Variants in SEMA4G observed in about 807,000 individuals in gnomAD.
SEMA4G encodes the protein semaphorin 4G, also known as semaphorin-4G.
SEMA4G carries 59 observed loss-of-function variants against 81.2 expected under a neutral mutation model. The observed-to-expected ratio is 0.73, with a 90% CI of 0.59 to 0.90. The LOEUF is 0.90. SEMA4G is among the 40% of genes least tolerant of loss of function. SEMA4G has a pLI of 0.00. For synonymous variants in SEMA4G, 404 were observed against 433.9 expected (o/e 0.93, Z 0.86); for missense variants, 952 against 1,102.3 (o/e 0.86, Z 1.93).
At chr10:100,983,566 G>A (rs144879682) in exon 14 of SEMA4G, 6 of 1,613,666 alleles carry the variant, frequency 3.7e-6, no homozygotes, top group South Asian at 2.2e-5. Context: ...CTCACAGTCC[G>A]GCCAGCCACT....
Position 100,973,433 on chromosome 10 carries a change from C to T in SEMA4G, c.274-114C>T, listed in dbSNP as rs1474189595. On this transcript the variant is annotated intron_variant, in intron 2 of 13. Coordinates refer to ENST00000370250, the Ensembl canonical transcript of SEMA4G. The surrounding 1 kb of genome is among the most constrained non-coding windows in gnomAD (Gnocchi z 5.5). ...GGTGTTCCTTGCATTCAGTGTTCCTCCTGAAATTGATCCCCACCCCAATTT... is the reference window on the plus strand; with the variant it reads ...GGTGTTCCTTGCATTCAGTGTTCCTTCTGAAATTGATCCCCACCCCAATTT... The T allele has an allele frequency of 1.4e-6, 2 of 1,399,458 alleles. No homozygotes were observed. The highest frequency in any genetic ancestry group is 3.8e-5 in the Admixed American group (2 of 52,400). 86.7% of individuals were successfully genotyped at this position (1,399,458 alleles called of 1,614,324 possible). A position where few individuals can be genotyped will look rare whatever the true frequency, so the allele number is the denominator to read the frequency against.
At chr10:100,972,964 G>A (rs765633702) in exon 1 of SEMA4G, 32 of 1,613,628 alleles carry the variant, frequency 2.0e-5, no homozygotes, top group Non-Finnish European at 2.5e-5. Context: ...AGCAACTGCA[G>A]TCCCAGGACC....
exon 7 of SEMA4G, chr10:100,978,916 G>C (rs1037811860): frequency 6.2e-7 from 1 of 1,614,224 alleles, no homozygotes; most frequent in Non-Finnish European, 8.5e-7. Context: ...ATGATGACAA[G>C]GTGTACTACT....
upstream of SEMA4G, among the ~76,000 whole-genome samples, chr10:100,972,217 A>T (rs1380406578): frequency 2.0e-5 from 3 of 152,170 alleles, no homozygotes; most frequent in Non-Finnish European, 4.4e-5. Flanking sequence ...TGGGAGAAGC[A>T]GGCATTCTCT....
chr10:100,977,951 C>A lies in SEMA4G; in HGVS notation c.435+221C>A, dbSNP rs187759303. The A allele has an allele frequency of 5.2e-6, 3 of 580,856 alleles. No individual in the cohort carries two copies. The South Asian group carries it at 6.1e-5, about 12-fold the overall frequency. 36.0% of individuals were successfully genotyped at this position (580,856 alleles called of 1,614,324 possible). On this transcript the variant is annotated intron_variant, in intron 4 of 13. Transcript: ENST00000370250. ...TAGCATTTTCACTTAGCATCCTCCC[C>A]CTAATCACCTCCACCTGGCAAACTT...
chr10:100,984,916 C>T (rs1409881469), downstream of SEMA4G: 7 of 1,449,784 alleles, frequency 4.8e-6, no homozygotes, highest in Admixed American at 1.3e-4. Context: ...CAGGCATGTC[C>T]CATCCCCATG....
intron 13 of SEMA4G, chr10:100,981,449 G>T: frequency 6.2e-7 from 1 of 1,614,184 alleles, no homozygotes; most frequent in Non-Finnish European, 8.5e-7. Context: ...GAAGTGTCTT[G>T]TCACTTCTGG....
chr10:100,985,425 T>C (rs1053207362), downstream of SEMA4G: 5 of 152,648 alleles, frequency 3.3e-5, no homozygotes, highest in African/African-American at 1.2e-4. Flanking sequence ...ATCCCACGGG[T>C]TTTTACTGCC....
In SEMA4G at chr10:100,984,614, A is replaced by C. The variant is rs755937099; in HGVS notation, c.*483A>C. The stretch of plus-strand genomic sequence containing the variant: ...CTAAGCCCTGCGTACATTCACATGC[A>C]CACATGGAAGAATGTTTATCGGCTG... On this transcript the variant is annotated 3_prime_UTR_variant, in exon 14 of 14. Transcript: ENST00000370250. 7.8e-6 allele frequency: 12 copies of C among 1,536,122 alleles called. No individual in the cohort carries two copies. In the Middle Eastern group the frequency reaches 5.0e-4, roughly 64 times the overall value.
chr10:100,985,201 A>G, downstream of SEMA4G: 1 of 316,804 alleles, frequency 3.2e-6, no homozygotes, highest in Non-Finnish European at 5.8e-6. Context: ...TGATGTCTCA[A>G]CTGGCACATG....
intron 3 of SEMA4G, among the ~76,000 whole-genome samples, chr10:100,975,505 T>C (rs1344818658): frequency 6.6e-6 from 1 of 152,198 alleles, no homozygotes; most frequent in Non-Finnish European, 1.5e-5. Context: ...AAAGATAGGT[T>C]TCACCTGTGG....
exon 14 of SEMA4G, chr10:100,984,720 T>C (rs1044109678): frequency 6.5e-7 from 1 of 1,536,138 alleles, no homozygotes; most frequent in Non-Finnish European, 8.7e-7. Context: ...ACCCTCCCAA[T>C]TGCCACATCC....
At chr10:100,984,187 G>A (rs969880106) in exon 14 of SEMA4G, 14 of 1,544,262 alleles carry the variant, frequency 9.1e-6, no homozygotes, top group Non-Finnish European at 1.2e-5. Flanking sequence ...CCCAGGCTGG[G>A]CCACTGCCTC....
Position 100,973,434 on chromosome 10 carries a change from C to T in SEMA4G, c.274-113C>T, listed in dbSNP as rs1262005930. On this transcript the variant is annotated intron_variant, in intron 2 of 13. Coordinates refer to ENST00000370250, the Ensembl canonical transcript of SEMA4G. The surrounding 1 kb of genome is among the most constrained non-coding windows in gnomAD (Gnocchi z 5.5). ...GTGTTCCTTGCATTCAGTGTTCCTC[C>T]TGAAATTGATCCCCACCCCAATTTC... 2 of 1,408,882 alleles carry T rather than the reference C, an allele frequency of 1.4e-6. No individual in the cohort carries two copies. The highest frequency in any genetic ancestry group is 3.8e-5 in the Admixed American group (2 of 52,546). The allele number at this position is 1,408,882 out of a possible 1,614,324, so 87.3% of individuals were successfully genotyped here.
intron 13 of SEMA4G, chr10:100,981,570 C>T: frequency 1.9e-6 from 3 of 1,613,002 alleles, no homozygotes; most frequent in Middle Eastern, 1.7e-4. Flanking sequence ...AGTTAATCAT[C>T]ACAGCTAAGA....
chr10:100,980,949 A>T (rs768215640), exon 12 of SEMA4G: 3 of 1,608,420 alleles, frequency 1.9e-6, no homozygotes, highest in Non-Finnish European at 2.5e-6. Context: ...CCTGGCACCC[A>T]TGCCTGCGCA....
exon 14 of SEMA4G, chr10:100,983,438 T>G (rs1589998724): frequency 6.2e-7 from 1 of 1,613,714 alleles, no homozygotes; most frequent in Non-Finnish European, 8.5e-7. Flanking sequence ...ATGGGCAGGG[T>G]GGCTACCGTG....
exon 7 of SEMA4G, chr10:100,978,952 G>A (rs142733326): frequency 6.2e-7 from 1 of 1,614,190 alleles, no homozygotes; most frequent in Non-Finnish European, 8.5e-7. Context: ...CCACTGAGGA[G>A]GGCTCTGGCA....
upstream of SEMA4G, among the ~76,000 whole-genome samples, chr10:100,970,188 G>T (rs1234041371): frequency 1.3e-5 from 2 of 152,098 alleles, no homozygotes; most frequent in African/African-American, 4.8e-5. Context: ...TCAGGGGGCT[G>T]GCCCTGGGGA....
Sources: gnomAD v4.1 joint callset for allele counts (sites outside exome capture counted in the v4.1 genomes callset) on GRCh38, gnomAD v4.1.1 for gene constraint, Gnocchi (gnomAD v3.1) non-coding constraint, MANE v1.5 for transcripts, NCBI Gene and HGNC (gene_info 2026-07-23, HGNC 2026-07-21) for gene names.